The following CSNK2A2IP variants were observed in gnomAD, a reference collection of about 807,000 sequenced individuals.
CSNK2A2IP encodes the protein casein kinase 2 subunit alpha' interacting protein.
chr3:88,386,627 C>T, the CSNK2A2IP span, among the ~76,000 whole-genome samples: 29 of 152,120 alleles, frequency 1.9e-4, no homozygotes, highest in Non-Finnish European at 3.5e-4. Flanking sequence ...GAACAGAGTA[C>T]CAGAATTGAG....
chr3:88,388,683 C>T, the CSNK2A2IP span, among the ~76,000 whole-genome samples: 1 of 152,138 alleles, frequency 6.6e-6, no homozygotes, highest in African/African-American at 2.4e-5. Context: ...CTTATTCATC[C>T]TCCCTTTGCT....
At chr3:88,453,172 CAA>C in the CSNK2A2IP span, among the ~76,000 whole-genome samples, 1 of 151,930 alleles carries the variant, frequency 6.6e-6, no homozygotes, top group African/African-American at 2.4e-5. Context: ...AGTTGGTTCC[CAA>C]AAGAGAGTTA....
the CSNK2A2IP span, among the ~76,000 whole-genome samples, chr3:88,459,015 G>C: frequency 6.6e-6 from 1 of 151,760 alleles, no homozygotes; most frequent in Non-Finnish European, 1.5e-5. Context: ...TTGAAATTTT[G>C]TATACCCTTA....
chr3:88,463,791 C>T, the CSNK2A2IP span, among the ~76,000 whole-genome samples: 2 of 152,096 alleles, frequency 1.3e-5, no homozygotes, highest in African/African-American at 2.4e-5. Context: ...ACCCAGCCAT[C>T]CCATTACTGG....
At chr3:88,415,290 A>G in the CSNK2A2IP span, among the ~76,000 whole-genome samples, 1 of 152,078 alleles carries the variant, frequency 6.6e-6, no homozygotes. Flanking sequence ...CAGAGTATTA[A>G]GGGAAAATTT....
chr3:88,450,695 A>G, the CSNK2A2IP span, among the ~76,000 whole-genome samples: 6 of 151,928 alleles, frequency 3.9e-5, no homozygotes, highest in Admixed American at 3.9e-4. Flanking sequence ...TTTAATTATT[A>G]TTATACTTTA....
the CSNK2A2IP span, among the ~76,000 whole-genome samples, chr3:88,442,906 TAA>T: frequency 2.0e-5 from 3 of 152,118 alleles, no homozygotes; most frequent in African/African-American, 7.2e-5. Context: ...TATAATTAAT[TAA>T]GTTAAAATTG....
chr3:88,422,916 T>C, the CSNK2A2IP span, among the ~76,000 whole-genome samples: 1 of 152,360 alleles, frequency 6.6e-6, no homozygotes, highest in African/African-American at 2.4e-5. Context: ...TTTTAGTATA[T>C]TTAGTTTTTT....
the CSNK2A2IP span, among the ~76,000 whole-genome samples, chr3:88,375,582 C>A: frequency 6.6e-6 from 1 of 151,524 alleles, no homozygotes. Flanking sequence ...GTGTTGATAC[C>A]CCTTCAAATG....
At chr3:88,376,257 T>G in the CSNK2A2IP span, among the ~76,000 whole-genome samples, 2 of 151,832 alleles carry the variant, frequency 1.3e-5, no homozygotes, top group African/African-American at 4.8e-5. Context: ...CTCTAAAACA[T>G]ATTAATTATT....
At chr3:88,385,770 C>G in the CSNK2A2IP span, among the ~76,000 whole-genome samples, 2 of 152,128 alleles carry the variant, frequency 1.3e-5, no homozygotes, top group Admixed American at 6.5e-5. Flanking sequence ...CATGGAATGT[C>G]TATTCCATTC....
At chr3:88,428,694 A>G in the CSNK2A2IP span, among the ~76,000 whole-genome samples, 1 of 152,142 alleles carries the variant, frequency 6.6e-6, no homozygotes, top group Non-Finnish European at 1.5e-5. Context: ...TATACTGGAT[A>G]TTGAGAAAAC....
At chr3:88,349,507 T>C in the CSNK2A2IP span, among the ~76,000 whole-genome samples, 4 of 152,184 alleles carry the variant, frequency 2.6e-5, no homozygotes, top group Admixed American at 6.6e-5. Flanking sequence ...GGTGTATATA[T>C]ACTGGATTTT....
the CSNK2A2IP span, chr3:88,382,508 T>C: frequency 6.6e-6 from 1 of 152,234 alleles, no homozygotes; most frequent in East Asian, 1.9e-4. Context: ...ATATACAAAA[T>C]TCCAAAGGAG....
the CSNK2A2IP span, among the ~76,000 whole-genome samples, chr3:88,464,096 A>T: frequency 6.8e-6 from 1 of 147,670 alleles, no homozygotes; most frequent in Non-Finnish European, 1.5e-5. Context: ...TCTCACTCAT[A>T]GGTGGGAATT....
chr3:88,346,694 C>T, the CSNK2A2IP span, among the ~76,000 whole-genome samples: 10 of 151,982 alleles, frequency 6.6e-5, no homozygotes, highest in Non-Finnish European at 1.0e-4. Flanking sequence ...ATTTTCAAAA[C>T]GTTTGAAAAT....
At chr3:88,399,838 A>G in the CSNK2A2IP span, 1 of 152,250 alleles carries the variant, frequency 6.6e-6, no homozygotes. Context: ...CGAGTTCAGA[A>G]AGAAAAATGA....
chr3:88,366,687 G>A, the CSNK2A2IP span, among the ~76,000 whole-genome samples: 1 of 152,010 alleles, frequency 6.6e-6, no homozygotes, highest in African/African-American at 2.4e-5. Context: ...GGAAGGCAAG[G>A]CAAAGTAAGG....
At chr3:88,362,935 C>T in the CSNK2A2IP span, among the ~76,000 whole-genome samples, 4 of 152,096 alleles carry the variant, frequency 2.6e-5, no homozygotes, top group South Asian at 2.1e-4. Context: ...CACACTCCTG[C>T]GGCCACTGCA....
Sources: allele counts gnomAD v4.1 joint callset (sites outside exome capture counted in the v4.1 genomes callset), GRCh38; gene constraint gnomAD v4.1.1; transcripts MANE v1.5; gene names NCBI Gene and HGNC (gene_info 2026-07-23, HGNC 2026-07-21).